LARGE1: variants seen among roughly 807,000 people sequenced by gnomAD.
LARGE1 encodes the protein xylosyl- and glucuronyltransferase LARGE1.
Under a neutral mutation model 87.6 loss-of-function variants are expected in LARGE1, and 43 were observed. That is an observed-to-expected ratio of 0.49 (90% CI 0.38 to 0.63). The LOEUF (loss-of-function observed/expected upper bound fraction) is 0.63. LARGE1 is among the 30% of genes least tolerant of loss of function. The pLI, the probability that LARGE1 is intolerant of heterozygous loss-of-function variation, is 0.00. For synonymous variants in LARGE1, 434 were observed against 394.6 expected (o/e 1.10, Z -1.18); for missense variants, 802 against 1,000.2 (o/e 0.80, Z 2.67).
intron 1 of LARGE1, among the ~76,000 whole-genome samples, chr22:33,874,800 A>C (rs1253808034): frequency 1.3e-5 from 2 of 152,214 alleles, no homozygotes; most frequent in African/African-American, 4.8e-5. Context: ...AAAAGTAGTC[A>C]GAGGACTGTA....
chr22:33,512,273 C>G (rs970947032), intron 6 of LARGE1, among the ~76,000 whole-genome samples: 1 of 151,990 alleles, frequency 6.6e-6, no homozygotes, highest in Non-Finnish European at 1.5e-5. Flanking sequence ...AGAAATTCAA[C>G]AGTCTTTAAT....
chr22:33,290,923 CAGCTACTGA>C (rs2145979638), intron 12 of LARGE1, among the ~76,000 whole-genome samples: 2 of 152,144 alleles, frequency 1.3e-5, no homozygotes, highest in South Asian at 4.2e-4. Context: ...TCTATAATCC[CAGCTACTGA>C]GGAGGCTGAG....
chr22:33,498,937 A>C (rs1231553978), intron 6 of LARGE1, among the ~76,000 whole-genome samples: 1 of 152,158 alleles, frequency 6.6e-6, no homozygotes, highest in East Asian at 1.9e-4. Flanking sequence ...GCGCCACTGC[A>C]CTCCAGCCTG....
At chr22:33,708,799 C>T (rs1186579658) in intron 2 of LARGE1, among the ~76,000 whole-genome samples, 2 of 152,194 alleles carry the variant, frequency 1.3e-5, no homozygotes, top group Non-Finnish European at 2.9e-5. Context: ...CGGGGTTTCA[C>T]GATGTCGGTC....
rs566360171 is a variant in LARGE1, at chr22:33,311,128, T to G, written c.1451+4957A>C. ...GGCGCCCGCCACCATGCCAGGCTAA[T>G]TTTTTGTATTTTTAGTAGAGATGGG... is the stretch of plus-strand genomic sequence containing the variant. On this transcript the variant is annotated intron_variant, in intron 11 of 14. Transcript: ENST00000397394. Among the ~76,000 whole-genome samples, 722 of 150,796 alleles carry G rather than the reference T, an allele frequency of 4.8e-3. 3 individuals carry two copies. The highest frequency in any genetic ancestry group is 8.5e-3 in the Non-Finnish European group (580 of 67,940).
chr22:33,391,498 G>T (rs940808177), intron 7 of LARGE1, among the ~76,000 whole-genome samples: 1 of 152,062 alleles, frequency 6.6e-6, no homozygotes, highest in Non-Finnish European at 1.5e-5. Context: ...GGTTATATAA[G>T]TGAGAGACAG....
the LARGE1 span, among the ~76,000 whole-genome samples, chr22:33,122,359 CT>C: frequency 0.17 from 22,102 of 132,048 alleles, 1,746 homozygotes; most frequent in African/African-American, 0.32. Context: ...TTTTCTTTTT[CT>C]TTTTTTTTTT....
chr22:33,205,462 A>G (rs1015627595), intron 11 of LARGE1, among the ~76,000 whole-genome samples: 5 of 152,244 alleles, frequency 3.3e-5, no homozygotes, highest in Admixed American at 1.3e-4. Context: ...GGATGGAGAC[A>G]GATAATAAAT....
chr22:33,648,945 G>T lies in LARGE1; in HGVS notation c.408+1422C>A, dbSNP rs772847234. Among the ~76,000 whole-genome samples, 12 of 152,282 alleles carry T rather than the reference G, an allele frequency of 7.9e-5. No individual in the cohort carries two copies. In the South Asian group the frequency reaches 2.5e-3, roughly 32 times the overall value. On this transcript the variant is annotated intron_variant, in intron 3 of 14. Transcript: ENST00000397394. Reference sequence around the variant, plus strand: ...CACGAGTGCAATATGTTTGCTGAACGAATGGATAAATAAATGAATGATGAT... The same window carrying T: ...CACGAGTGCAATATGTTTGCTGAACTAATGGATAAATAAATGAATGATGAT...
In LARGE1 at chr22:33,572,298, A is replaced by G. The variant is rs1274050879; in HGVS notation, c.616-7279T>C. 5 of 757,096 alleles carry G rather than the reference A, an allele frequency of 6.6e-6. No homozygotes were observed. The East Asian group carries it at 3.6e-4, about 55-fold the overall frequency. 46.9% of individuals were successfully genotyped at this position (757,096 alleles called of 1,614,324 possible). A position where few individuals can be genotyped will look rare whatever the true frequency, so the allele number is the denominator to read the frequency against. ...CTTGGCAACCAACCTATATGTTCAG[A>G]GTATAATTGTTAAGAAACAGAAGTG... On this transcript the variant is annotated intron_variant, in intron 5 of 14. Transcript: ENST00000397394.
At chr22:33,203,091 C>CTGTG (rs1924487876) in intron 11 of LARGE1, among the ~76,000 whole-genome samples, 1 of 139,224 alleles carries the variant, frequency 7.2e-6, no homozygotes, top group Non-Finnish European at 1.6e-5. Context: ...CTCTCTCTCT[C>CTGTG]TCTCTCTCTC....
chr22:33,285,495 G>A lies in LARGE1; in HGVS notation c.1731-2147C>T, dbSNP rs1442380873. Among the ~76,000 whole-genome samples the A allele has an allele frequency of 2.0e-5, 3 of 152,224 alleles. 1 individual carries two copies. Among genetic ancestry groups the A allele is most frequent in the South Asian group, 4.2e-4 (2 of 4,818 alleles). ...AAAAATTAGCCGGGCGTGGTGGGGG[G>A]TGCTGGTAGTCCCAGCTATTCAGGA... On this transcript the variant is annotated intron_variant, in intron 12 of 14. Transcript: ENST00000397394.
downstream of LARGE1, among the ~76,000 whole-genome samples, chr22:33,268,032 TG>T: frequency 6.6e-6 from 1 of 151,448 alleles, no homozygotes. Context: ...CTCGGCTCAC[TG>T]CAACCTCCGC....
intron 1 of LARGE1, among the ~76,000 whole-genome samples, chr22:33,840,190 A>G (rs2063236298): frequency 6.6e-6 from 1 of 152,216 alleles, no homozygotes; most frequent in African/African-American, 2.4e-5. Flanking sequence ...ATTTAATAAT[A>G]TATGCAAAGC....
chr22:33,383,551 C>T (rs538342470), intron 8 of LARGE1, among the ~76,000 whole-genome samples: 4 of 152,258 alleles, frequency 2.6e-5, no homozygotes, highest in African/African-American at 4.8e-5. Context: ...CAGAGCGAGA[C>T]TCCACCTCAA....
chr22:33,111,612 C>T, the LARGE1 span, among the ~76,000 whole-genome samples: 1 of 152,018 alleles, frequency 6.6e-6, no homozygotes, highest in South Asian at 2.1e-4. Flanking sequence ...TGTTTTTAAC[C>T]TCAAAAAACG....
chr22:33,345,419 T>C (rs1247300769), intron 9 of LARGE1, among the ~76,000 whole-genome samples: 1 of 152,192 alleles, frequency 6.6e-6, no homozygotes, highest in Non-Finnish European at 1.5e-5. Flanking sequence ...CCCCTTCTAA[T>C]ACCCACCCCT....
intron 2 of LARGE1, among the ~76,000 whole-genome samples, chr22:33,654,048 G>A (rs1344036106): frequency 6.6e-6 from 1 of 152,128 alleles, no homozygotes; most frequent in African/African-American, 2.4e-5. Context: ...AAATGCTATC[G>A]ACATCCTGTG....
intron 6 of LARGE1, among the ~76,000 whole-genome samples, chr22:33,490,134 T>G (rs191041927): frequency 7.1e-4 from 108 of 152,362 alleles, no homozygotes; most frequent in Middle Eastern, 3.4e-3. Flanking sequence ...CATTGTAAAT[T>G]ATAAATAACT....
Sources: allele counts gnomAD v4.1 joint callset (sites outside exome capture counted in the v4.1 genomes callset), GRCh38; gene constraint gnomAD v4.1.1; transcripts MANE v1.5; gene names NCBI Gene and HGNC (gene_info 2026-07-23, HGNC 2026-07-21).